Variants in MCC observed in about 807,000 individuals in gnomAD.
The protein encoded by MCC is colorectal mutant cancer protein.
Under a neutral mutation model 116.2 loss-of-function variants are expected in MCC, and 90 were observed. The observed-to-expected ratio is 0.77, with a 90% CI of 0.65 to 0.92. MCC has a LOEUF of 0.92. MCC is among the 40% of genes least tolerant of loss of function. MCC has a pLI of 0.00. For synonymous variants in MCC, 578 were observed against 510.5 expected (o/e 1.13, Z -1.78); for missense variants, 1,516 against 1,312.2 (o/e 1.16, Z -2.40).
rs372617312 is a variant in MCC, at chr5:113,248,356, G to C, written c.627+92163C>G. 1.8e-4 allele frequency among the ~76,000 whole-genome samples: 27 copies of C among 152,150 alleles called. 4 individuals carry two copies. Among genetic ancestry groups the C allele is most frequent in the Admixed American group, 7.2e-4 (11 of 15,280 alleles). On this transcript the variant is annotated intron_variant, in intron 3 of 18. Coordinates refer to ENST00000408903, the MANE Select transcript of MCC (RefSeq NM_001085377.2). ...TAACAGAACACAGAAAAACACACTG[G>C]ATGGGGTTATTAGATCATGGGCATC...
intron 3 of MCC, among the ~76,000 whole-genome samples, chr5:113,298,450 G>A (rs1400309299): frequency 1.3e-5 from 2 of 152,198 alleles, no homozygotes; most frequent in Non-Finnish European, 2.9e-5. Flanking sequence ...TAGGGAGTGA[G>A]GAGAAACTGG....
chr5:113,479,255 T>C (rs1772311069), intron 1 of MCC, among the ~76,000 whole-genome samples: 1 of 152,164 alleles, frequency 6.6e-6, no homozygotes, highest in Non-Finnish European at 1.5e-5. Flanking sequence ...TTATGTGAAA[T>C]ACTAAAAGAC....
At chr5:113,240,140 C>T (rs932859610) in intron 3 of MCC, among the ~76,000 whole-genome samples, 2 of 152,112 alleles carry the variant, frequency 1.3e-5, no homozygotes, top group African/African-American at 4.8e-5. Context: ...TCTCCCATTC[C>T]GCCACTCCTC....
intron 1 of MCC, among the ~76,000 whole-genome samples, chr5:113,452,022 T>C (rs1351183161): frequency 6.6e-6 from 1 of 152,170 alleles, no homozygotes. Context: ...CCAGGGCACT[T>C]CCGTTCTCCT....
At chr5:113,170,209 A>G (rs1212151688) in intron 3 of MCC, among the ~76,000 whole-genome samples, 1 of 152,206 alleles carries the variant, frequency 6.6e-6, no homozygotes, top group African/African-American at 2.4e-5. Context: ...TTTCTTCTTT[A>G]CAGCACCTAC....
At chr5:113,036,337 C>T (rs1014560755) in intron 17 of MCC, among the ~76,000 whole-genome samples, 1 of 152,136 alleles carries the variant, frequency 6.6e-6, no homozygotes, top group Non-Finnish European at 1.5e-5. Flanking sequence ...CGCGCCTGGC[C>T]TATAGATGAG....
intron 8 of MCC, among the ~76,000 whole-genome samples, chr5:113,094,232 G>A (rs1055437873): frequency 4.0e-5 from 6 of 151,864 alleles, no homozygotes; most frequent in African/African-American, 1.5e-4. Context: ...TATTGTTAAT[G>A]GCAATTTTGA....
intron 3 of MCC, among the ~76,000 whole-genome samples, chr5:113,255,599 C>G (rs1033098687): frequency 1.3e-5 from 2 of 152,198 alleles, no homozygotes; most frequent in Non-Finnish European, 2.9e-5. Context: ...ATATATATCT[C>G]CTTCTTTACA....
chr5:113,481,004 T>C (rs1214859467), intron 1 of MCC, among the ~76,000 whole-genome samples: 4 of 152,238 alleles, frequency 2.6e-5, no homozygotes, highest in South Asian at 2.1e-4. Flanking sequence ...CTTGAACTCC[T>C]AGGTTCAAGA....
intron 3 of MCC, among the ~76,000 whole-genome samples, chr5:113,157,669 G>A (rs571679107): frequency 2.6e-5 from 4 of 152,320 alleles, no homozygotes; most frequent in Non-Finnish European, 4.4e-5. Context: ...CACTGCCAGC[G>A]TGCATCTATT....
rs1761506885 is a variant in MCC at position 113,179,581 on chromosome 5, C to T, written c.628-28159G>A. Among the ~76,000 whole-genome samples, 3 of 152,300 alleles carry T rather than the reference C, an allele frequency of 2.0e-5. No individual in the cohort carries two copies. In the South Asian group the frequency reaches 6.2e-4, roughly 32 times the overall value. On this transcript the variant is annotated intron_variant, in intron 3 of 18. Transcript: ENST00000408903. ...AGTAGAATTTTATTAAACTAAGACA[C>T]ACTGAATCAATTTCTATTGATTTCT...
chr5:113,068,008 T>C (rs758683921), intron 13 of MCC, 72 bp downstream of exon 13: 11 of 1,328,810 alleles, frequency 8.3e-6, no homozygotes, highest in African/African-American at 4.3e-5. Context: ...TCAATGCCAG[T>C]TGCTGAGACA....
At chr5:113,361,801 T>A (rs1768555106) in intron 2 of MCC, among the ~76,000 whole-genome samples, 1 of 152,222 alleles carries the variant, frequency 6.6e-6, no homozygotes, top group Non-Finnish European at 1.5e-5. Flanking sequence ...AGCTTGTATA[T>A]CCATCTTCTC....
At chr5:113,232,185 C>A (rs540646183) in intron 3 of MCC, among the ~76,000 whole-genome samples, 1 of 152,210 alleles carries the variant, frequency 6.6e-6, no homozygotes, top group African/African-American at 2.4e-5. Flanking sequence ...GAAAAAAGAA[C>A]AAGCATGAAA....
intron 17 of MCC, among the ~76,000 whole-genome samples, chr5:113,038,579 C>T (rs1462921741): frequency 6.6e-6 from 1 of 151,986 alleles, no homozygotes; most frequent in East Asian, 1.9e-4. Flanking sequence ...AGCTGTAAGT[C>T]ACCTGATGTG....
chr5:113,393,597 G>GA (rs904558491), intron 1 of MCC, among the ~76,000 whole-genome samples: 8 of 152,262 alleles, frequency 5.3e-5, no homozygotes, highest in African/African-American at 1.9e-4. Flanking sequence ...CATCCTTCGA[G>GA]AAACATCAGA....
At chr5:113,350,158 C>T (rs1377901502) in intron 2 of MCC, among the ~76,000 whole-genome samples, 1 of 152,032 alleles carries the variant, frequency 6.6e-6, no homozygotes, top group Non-Finnish European at 1.5e-5. Flanking sequence ...TTTCAAAATA[C>T]TAATGACATT....
intron 3 of MCC, among the ~76,000 whole-genome samples, chr5:113,153,952 C>G (rs1340557354): frequency 6.6e-6 from 1 of 152,212 alleles, no homozygotes; most frequent in Non-Finnish European, 1.5e-5. Context: ...TTTTCTGGCT[C>G]TCTGGTATTG....
At chr5:113,295,717 G>C (rs1038019109) in intron 3 of MCC, among the ~76,000 whole-genome samples, 5 of 152,200 alleles carry the variant, frequency 3.3e-5, no homozygotes, top group African/African-American at 7.2e-5. Flanking sequence ...TATTGGGAGA[G>C]AGATGAGATG....
Sources: allele counts gnomAD v4.1 joint callset (sites outside exome capture counted in the v4.1 genomes callset), GRCh38; gene constraint gnomAD v4.1.1; transcripts MANE v1.5; gene names NCBI Gene and HGNC (gene_info 2026-07-23, HGNC 2026-07-21).